PABPC4L: variants seen among roughly 807,000 people sequenced by gnomAD.
PABPC4L encodes polyadenylate-binding protein 4-like.
For synonymous variants in PABPC4L, 169 were observed against 164.1 expected (o/e 1.03, Z -0.23); for missense variants, 452 against 451.4 (o/e 1.00, Z -0.01).
the PABPC4L span, among the ~76,000 whole-genome samples, chr4:134,106,445 A>G: frequency 6.6e-6 from 1 of 151,148 alleles, no homozygotes; most frequent in South Asian, 2.1e-4. Context: ...GAAAGAAAGA[A>G]AGAGAAAGAA....
At chr4:134,188,047 G>T in the PABPC4L span, among the ~76,000 whole-genome samples, 1 of 151,456 alleles carries the variant, frequency 6.6e-6, no homozygotes, top group African/African-American at 2.4e-5. Flanking sequence ...ATTTTACATA[G>T]TTCTATTTTC....
At position 134,198,706 on chromosome 4, in the gene PABPC4L, T is replaced by C. The variant is rs1018950148; in HGVS notation, c.*1201A>G. 1 of 151,804 alleles carries C rather than the reference T, an allele frequency of 6.6e-6. No homozygotes were observed. Among genetic ancestry groups the C allele is most frequent in the African/African-American group, 2.4e-5 (1 of 41,404 alleles). The allele number at this position is 151,804 out of a possible 1,614,324, so 9.4% of individuals were successfully genotyped here. A position where few individuals can be genotyped will look rare whatever the true frequency, so the allele number is the denominator to read the frequency against. ...AAGCAGCACATATTAAAAGCCAACA[T>C]AAAAAAATCCTTTAGAAAGTATTTT... On this transcript the variant is annotated 3_prime_UTR_variant, in exon 2 of 2. Coordinates refer to ENST00000421491, the MANE Select transcript of PABPC4L (RefSeq NM_001114734.2).
chr4:134,104,863 A>G, the PABPC4L span, among the ~76,000 whole-genome samples: 1 of 151,832 alleles, frequency 6.6e-6, no homozygotes, highest in Non-Finnish European at 1.5e-5. Flanking sequence ...AATATTTGTT[A>G]TACAGAAGCA....
At chr4:134,135,014 T>A in the PABPC4L span, among the ~76,000 whole-genome samples, 2 of 150,914 alleles carry the variant, frequency 1.3e-5, no homozygotes, top group African/African-American at 4.9e-5. Flanking sequence ...AAGAACACCA[T>A]CCAGAAAGCA....
At chr4:134,152,207 A>G in the PABPC4L span, among the ~76,000 whole-genome samples, 3 of 151,976 alleles carry the variant, frequency 2.0e-5, no homozygotes, top group Non-Finnish European at 4.4e-5. Flanking sequence ...ATTGTTGTTT[A>G]AGCTTTTAGC....
chr4:133,996,168 T>C, the PABPC4L span, among the ~76,000 whole-genome samples: 1 of 152,134 alleles, frequency 6.6e-6, no homozygotes, highest in Non-Finnish European at 1.5e-5. Context: ...CAGAGAATGG[T>C]GGGACTGAGG....
Position 134,197,797 on chromosome 4 carries a change from C to G in PABPC4L, c.*2110G>C, listed in dbSNP as rs920595843. On this transcript the variant is annotated 3_prime_UTR_variant, in exon 2 of 2. Coordinates refer to ENST00000421491, the MANE Select transcript of PABPC4L (RefSeq NM_001114734.2). ...AATTGACCAACAGCTTAAAAAAAAC[C>G]CTTGTTTCTTGGAGCATATGGAAAT... The G allele has an allele frequency of 2.0e-5, 3 of 151,452 alleles. No individual in the cohort carries two copies. Among genetic ancestry groups the G allele is most frequent in the African/African-American group, 7.3e-5 (3 of 41,348 alleles). 9.4% of individuals were successfully genotyped at this position (151,452 alleles called of 1,614,324 possible). A position where few individuals can be genotyped will look rare whatever the true frequency, so the allele number is the denominator to read the frequency against.
At chr4:134,121,591 T>C in the PABPC4L span, among the ~76,000 whole-genome samples, 1 of 151,774 alleles carries the variant, frequency 6.6e-6, no homozygotes, top group African/African-American at 2.4e-5. Context: ...ATACCTGAGA[T>C]GTTTTCACTA....
At chr4:133,967,757 T>C in the PABPC4L span, among the ~76,000 whole-genome samples, 1 of 152,196 alleles carries the variant, frequency 6.6e-6, no homozygotes, top group African/African-American at 2.4e-5. Flanking sequence ...TGAGCAGAAC[T>C]ATAAGAATGT....
the PABPC4L span, chr4:133,978,891 C>T: frequency 3.9e-5 from 6 of 152,240 alleles, no homozygotes; most frequent in East Asian, 7.7e-4. Flanking sequence ...AATTACTGGA[C>T]ATCTACAAAT....
chr4:134,184,855 T>G, the PABPC4L span, among the ~76,000 whole-genome samples: 9 of 152,030 alleles, frequency 5.9e-5, no homozygotes, highest in African/African-American at 1.9e-4. Flanking sequence ...TGGAATTTGA[T>G]GTTCTCAGTG....
chr4:134,193,936 G>T (rs1350729013), downstream of PABPC4L, among the ~76,000 whole-genome samples: 1 of 151,802 alleles, frequency 6.6e-6, no homozygotes, highest in Non-Finnish European at 1.5e-5. Flanking sequence ...ACTTAATTTG[G>T]AATTTCATGC....
chr4:134,051,725 C>A, the PABPC4L span, among the ~76,000 whole-genome samples: 1 of 151,988 alleles, frequency 6.6e-6, no homozygotes, highest in South Asian at 2.1e-4. Context: ...AGATTGATTG[C>A]CACTATGCTT....
At chr4:134,163,255 T>C in the PABPC4L span, among the ~76,000 whole-genome samples, 7 of 152,044 alleles carry the variant, frequency 4.6e-5, no homozygotes, top group Admixed American at 3.9e-4. Flanking sequence ...CTAGACCATC[T>C]ATACTAAATG....
the PABPC4L span, among the ~76,000 whole-genome samples, chr4:133,985,168 T>C: frequency 6.6e-6 from 1 of 151,992 alleles, no homozygotes; most frequent in African/African-American, 2.4e-5. Context: ...CAATTTTGCA[T>C]ATATGTCTGA....
chr4:133,957,404 C>G, the PABPC4L span, among the ~76,000 whole-genome samples: 1 of 152,214 alleles, frequency 6.6e-6, no homozygotes, highest in African/African-American at 2.4e-5. Context: ...CTTCTATGGC[C>G]TTCAGCAGTC....
the PABPC4L span, among the ~76,000 whole-genome samples, chr4:134,112,361 G>A: frequency 5.3e-5 from 8 of 151,796 alleles, no homozygotes; most frequent in Admixed American, 2.0e-4. Context: ...TATATTTTAC[G>A]GATGATTTTA....
chr4:134,063,431 G>C, the PABPC4L span, among the ~76,000 whole-genome samples: 3 of 151,986 alleles, frequency 2.0e-5, no homozygotes, highest in Non-Finnish European at 4.4e-5. Context: ...GGCAAGCCAG[G>C]GCACCGTATG....
At chr4:134,103,165 T>C in the PABPC4L span, among the ~76,000 whole-genome samples, 1 of 151,540 alleles carries the variant, frequency 6.6e-6, no homozygotes, top group Non-Finnish European at 1.5e-5. Flanking sequence ...AAAATATAGG[T>C]TATTCCATAT....
Sources: gnomAD v4.1 joint callset for allele counts (sites outside exome capture counted in the v4.1 genomes callset) on GRCh38, gnomAD v4.1.1 for gene constraint, MANE v1.5 for transcripts, NCBI Gene and HGNC (gene_info 2026-07-23, HGNC 2026-07-21) for gene names.